SLC5A1: variants seen among roughly 807,000 people sequenced by gnomAD.
SLC5A1 encodes solute carrier family 5 member 1.
In SLC5A1, 42 loss-of-function variants were observed where a neutral mutation model predicts 73.5. The observed-to-expected ratio is 0.57, with a 90% confidence interval of 0.45 to 0.74. The LOEUF (loss-of-function observed/expected upper bound fraction) is 0.74. Ranked by LOEUF, SLC5A1 falls within the 30% of genes least tolerant of loss-of-function variation. SLC5A1 has a pLI of 0.00. For missense variants in SLC5A1, 634 were observed against 855.4 expected, an observed-to-expected ratio of 0.74 and a Z score of 3.23; for synonymous variants, 300 against 317.4, an observed-to-expected ratio of 0.95 and a Z score of 0.58.
At chr22:32,104,627 G>C (rs2094041881) in intron 13 of SLC5A1, among the ~76,000 whole-genome samples, 159 bp from the exon 14 acceptor site, 1 of 152,156 alleles carries the variant, frequency 6.6e-6, no homozygotes. Context: ...AATGTTTTTA[G>C]AGATAATGTT....
intron 1 of SLC5A1, among the ~76,000 whole-genome samples, chr22:32,049,091 A>ATATAT (rs1569298594): frequency 1.6e-5 from 2 of 129,024 alleles, no homozygotes; most frequent in African/African-American, 6.8e-5. Context: ...TAAATAAATA[A>ATATAT]ATATATATAT....
At chr22:32,047,454 C>T (rs947528679) in intron 1 of SLC5A1, among the ~76,000 whole-genome samples, 28 of 117,456 alleles carry the variant, frequency 2.4e-4, no homozygotes, top group Non-Finnish European at 4.5e-4. Flanking sequence ...AGACCAGGTC[C>T]TTGGGAATTT....
chr22:32,099,262 G>C lies in SLC5A1; in HGVS notation c.1360G>C (p.Asp454His). The change falls in exon 12 of 15, where the codon GAT (aspartate) becomes CAT (histidine). Residue 454 changes from aspartate to histidine, a missense_variant. Physicochemically the swap from Asp to His is moderately conservative, Grantham distance 81. This residue lies in a region of SLC5A1 where 422 missense variants were observed against 626.1 expected (regional missense o/e 0.67). Transcript: ENST00000266088. The part of the protein sequence containing the change: ...VQSAQSGQLF[D>H]YIQSITSYLG... ...GTCAGCACAAAGTGGGCAACTCTTC[G>C]ATTACATCCAGTCCATCACCAGTTA... is the stretch of plus-strand genomic sequence containing the variant. 1 of 1,613,624 alleles carries C rather than the reference G, an allele frequency of 6.2e-7. No individual in the cohort carries two copies. The highest frequency in any genetic ancestry group is 8.5e-7 in the Non-Finnish European group (1 of 1,179,878).
At chr22:32,094,397 A>T (rs1381764611) in intron 11 of SLC5A1, among the ~76,000 whole-genome samples, 10 of 152,148 alleles carry the variant, frequency 6.6e-5, no homozygotes, top group Non-Finnish European at 2.9e-5. Context: ...ATCTTGTGGA[A>T]TAGTGTCAAT....
rs2093977934 is a variant in SLC5A1 at position 32,068,557 on chromosome 22, TTTCCC to T, written c.438_442del (p.Leu147ValfsTer82). On this transcript the variant is annotated frameshift_variant, in exon 5 of 15. Transcript: ENST00000266088. LOFTEE classifies it high-confidence loss of function. ...GGAGGCCAGCGGATCCAGGTCTACC[TTTCCC>T]TTCTGTCCCTGCTGCTCTACATTTT... 6.2e-7 allele frequency: 1 copy of T among 1,613,826 alleles called. No homozygotes were observed. The highest frequency in any genetic ancestry group is 8.5e-7 in the Non-Finnish European group (1 of 1,179,852).
At chr22:32,098,198 T>C (rs2094029494) in intron 11 of SLC5A1, among the ~76,000 whole-genome samples, 1 of 152,220 alleles carries the variant, frequency 6.6e-6, no homozygotes, top group South Asian at 2.1e-4. Context: ...CTCCTTGATA[T>C]TTACACAAAA....
chr22:32,058,620 G>GA (rs2093955625), intron 2 of SLC5A1, among the ~76,000 whole-genome samples: 1 of 152,098 alleles, frequency 6.6e-6, no homozygotes, highest in African/African-American at 2.4e-5. Context: ...CAACTTTCCA[G>GA]AAAAATGGTA....
At chr22:32,052,709 C>A (rs145428364) in intron 2 of SLC5A1, among the ~76,000 whole-genome samples, 1 of 152,072 alleles carries the variant, frequency 6.6e-6, no homozygotes, top group Non-Finnish European at 1.5e-5. Context: ...GCTAGGCCTA[C>A]GCTTTTCTTA....
At chr22:32,046,067 C>T (rs1166680883) in intron 1 of SLC5A1, among the ~76,000 whole-genome samples, 1 of 152,194 alleles carries the variant, frequency 6.6e-6, no homozygotes, top group African/African-American at 2.4e-5. Context: ...TGACCCCTGT[C>T]TTATGCAGTC....
intron 10 of SLC5A1, among the ~76,000 whole-genome samples, chr22:32,088,502 A>G (rs1429497474): frequency 2.6e-5 from 4 of 151,896 alleles, no homozygotes; most frequent in Non-Finnish European, 5.9e-5. Context: ...ACGCCCAGCT[A>G]ATTTTTTTGT....
At chr22:32,108,338 T>C (rs926966303) in intron 14 of SLC5A1, among the ~76,000 whole-genome samples, 13 of 152,268 alleles carry the variant, frequency 8.5e-5, no homozygotes, top group African/African-American at 3.1e-4. Flanking sequence ...CCTGACCTCG[T>C]GATCCACCCA....
chr22:32,104,848 AGAG>A lies in SLC5A1; in HGVS notation c.1732_1734del (p.Glu578del), dbSNP rs1286691251. On this transcript the variant is annotated inframe_deletion, in exon 14 of 15. Transcript: ENST00000266088. ...AGGAGCGTATTGACCTGGATGCGGA[AGAG>A]GAGAACATCCAAGAAGGCCCTAAGG... 1.9e-6 allele frequency: 3 copies of A among 1,614,186 alleles called. No homozygotes were observed. The highest frequency in any genetic ancestry group is 2.5e-6 in the Non-Finnish European group (3 of 1,180,022).
rs2093933601 is a variant in SLC5A1 at position 32,043,882 on chromosome 22, G to C, written c.135+466G>C. Among the ~76,000 whole-genome samples, 1 of 152,226 alleles carries C rather than the reference G, an allele frequency of 6.6e-6. No individual in the cohort carries two copies. Among genetic ancestry groups the C allele is most frequent in the African/African-American group, 2.4e-5 (1 of 41,470 alleles). Reference sequence around the variant, plus strand: ...CAGCCCCAGAGATGGGGATGCTGAGGTGGCAGACAGAGGGATGCTGACCCA... The same window carrying C: ...CAGCCCCAGAGATGGGGATGCTGAGCTGGCAGACAGAGGGATGCTGACCCA... On this transcript the variant is annotated intron_variant, in intron 1 of 14. Transcript: ENST00000266088. The surrounding 1 kb of genome is among the most constrained non-coding windows in gnomAD (Gnocchi z 6.5).
At chr22:32,050,892 C>G (rs955174075) in intron 2 of SLC5A1, among the ~76,000 whole-genome samples, 1 of 152,186 alleles carries the variant, frequency 6.6e-6, no homozygotes, top group Admixed American at 6.5e-5. Flanking sequence ...CTGTACCTTA[C>G]GTAACTGTGG....
intron 5 of SLC5A1, among the ~76,000 whole-genome samples, chr22:32,070,746 CACTAA>C (rs1364567145): frequency 6.6e-6 from 1 of 152,042 alleles, no homozygotes; most frequent in Non-Finnish European, 1.5e-5. Flanking sequence ...ATCAGGAAAC[CACTAA>C]ACTTCTGAGA....
At chr22:32,047,504 G>A (rs1322748272) in intron 1 of SLC5A1, among the ~76,000 whole-genome samples, 1 of 151,064 alleles carries the variant, frequency 6.6e-6, no homozygotes, top group Non-Finnish European at 1.5e-5. Flanking sequence ...TGATTCTTAG[G>A]TCTCTTGCTA....
intron 5 of SLC5A1, among the ~76,000 whole-genome samples, chr22:32,069,692 G>A (rs2093979705): frequency 6.6e-6 from 1 of 152,136 alleles, no homozygotes; most frequent in Non-Finnish European, 1.5e-5. Context: ...AAAGGGGGGA[G>A]TTAGGGATAT....
intron 2 of SLC5A1, among the ~76,000 whole-genome samples, chr22:32,059,644 C>T (rs943767471): frequency 6.6e-6 from 1 of 151,764 alleles, no homozygotes; most frequent in African/African-American, 2.4e-5. Flanking sequence ...GCCTGTAATT[C>T]CTCTTCTGAA....
chr22:32,084,224 A>G (rs929537989), intron 7 of SLC5A1, among the ~76,000 whole-genome samples: 3 of 152,266 alleles, frequency 2.0e-5, no homozygotes, highest in Non-Finnish European at 2.9e-5. Flanking sequence ...TTTGGTCCCC[A>G]TAATAGCCCC....
Sources: gnomAD v4.1 joint callset for allele counts (sites outside exome capture counted in the v4.1 genomes callset) on GRCh38, gnomAD v4.1.1 for gene constraint, gnomAD v4.1.1 regional missense constraint, Gnocchi (gnomAD v3.1) non-coding constraint, MANE v1.5 for transcripts, NCBI Gene and HGNC (gene_info 2026-07-23, HGNC 2026-07-21) for gene names.